POFUT3: variants seen among roughly 807,000 people sequenced by gnomAD.
POFUT3 encodes the protein protein O-fucosyltransferase 3.
At chr8:33,339,859 T>G in the POFUT3 span, among the ~76,000 whole-genome samples, 1 of 152,152 alleles carries the variant, frequency 6.6e-6, no homozygotes, top group East Asian at 1.9e-4. Context: ...AATCAAGCCA[T>G]GTTCAGATGA....
the POFUT3 span, among the ~76,000 whole-genome samples, chr8:33,340,176 A>G: frequency 2.0e-5 from 3 of 152,134 alleles, no homozygotes; most frequent in Non-Finnish European, 4.4e-5. Context: ...CCAATTGTAA[A>G]GTTCGTGTAT....
chr8:33,340,398 ATG>A, the POFUT3 span, among the ~76,000 whole-genome samples: 457 of 150,698 alleles, frequency 3.0e-3, no homozygotes, highest in African/African-American at 6.6e-3. Flanking sequence ...ATATATATAC[ATG>A]TGTGTGTGTG....
chr8:33,316,566 C>CA, the POFUT3 span, among the ~76,000 whole-genome samples: 117 of 107,986 alleles, frequency 1.1e-3, 1 homozygote, highest in South Asian at 0.025. Flanking sequence ...ACTAAAACTA[C>CA]AAAAAAAAAG....
chr8:33,409,310 C>A, the POFUT3 span, among the ~76,000 whole-genome samples: 1 of 152,044 alleles, frequency 6.6e-6, no homozygotes, highest in African/African-American at 2.4e-5. Context: ...GCCATGTTGG[C>A]CAGGCTTGTC....
chr8:33,424,433 C>A, the POFUT3 span, among the ~76,000 whole-genome samples: 1 of 152,160 alleles, frequency 6.6e-6, no homozygotes, highest in Non-Finnish European at 1.5e-5. Flanking sequence ...ACCTGCCATG[C>A]AGAAGCTTCC....
chr8:33,431,075 C>T, the POFUT3 span, among the ~76,000 whole-genome samples: 6 of 152,006 alleles, frequency 3.9e-5, no homozygotes, highest in Admixed American at 6.6e-5. Flanking sequence ...TGGGTAGAGA[C>T]GGTAGAGAAG....
chr8:33,354,594 T>A, the POFUT3 span, among the ~76,000 whole-genome samples: 1 of 152,166 alleles, frequency 6.6e-6, no homozygotes, highest in Non-Finnish European at 1.5e-5. Context: ...TTTTACTCAG[T>A]CTACTGAGTC....
chr8:33,360,544 T>C, the POFUT3 span, among the ~76,000 whole-genome samples: 2 of 152,280 alleles, frequency 1.3e-5, no homozygotes, highest in East Asian at 1.9e-4. Flanking sequence ...TTTCTGAACA[T>C]AGTGGTACTG....
the POFUT3 span, among the ~76,000 whole-genome samples, chr8:33,408,491 G>A: frequency 1.3e-5 from 2 of 151,908 alleles, no homozygotes; most frequent in Non-Finnish European, 2.9e-5. Context: ...GTCATTTCCT[G>A]GGCACACTCC....
the POFUT3 span, among the ~76,000 whole-genome samples, chr8:33,429,956 A>C: frequency 6.7e-6 from 1 of 150,006 alleles, no homozygotes; most frequent in Admixed American, 6.8e-5. Context: ...AGATTGCACC[A>C]TTGCACCCTA....
At chr8:33,355,392 C>CA in the POFUT3 span, among the ~76,000 whole-genome samples, 2 of 151,708 alleles carry the variant, frequency 1.3e-5, no homozygotes, top group South Asian at 2.1e-4. Context: ...AGGAGTATTG[C>CA]AAAAAAAATT....
chr8:33,444,998 A>G, the POFUT3 span, among the ~76,000 whole-genome samples: 3 of 137,550 alleles, frequency 2.2e-5, no homozygotes, highest in Admixed American at 8.0e-5. Flanking sequence ...CAATAGTGCA[A>G]TCTCGACTCA....
chr8:33,382,601 A>ACCC, the POFUT3 span, among the ~76,000 whole-genome samples: 1 of 152,168 alleles, frequency 6.6e-6, no homozygotes, highest in African/African-American at 2.4e-5. Context: ...TGGCGCACAG[A>ACCC]ACTCTGGCAG....
At chr8:33,409,929 C>A in the POFUT3 span, among the ~76,000 whole-genome samples, 1 of 152,108 alleles carries the variant, frequency 6.6e-6, no homozygotes, top group Non-Finnish European at 1.5e-5. Flanking sequence ...AAACTATCAA[C>A]TAATCAAAGA....
the POFUT3 span, chr8:33,453,099 A>G: frequency 1.0e-6 from 1 of 961,824 alleles, no homozygotes. Flanking sequence ...AAAGGAAATC[A>G]GGGGTGTCAA....
the POFUT3 span, among the ~76,000 whole-genome samples, chr8:33,420,629 G>T: frequency 2.0e-5 from 3 of 152,150 alleles, no homozygotes; most frequent in African/African-American, 2.4e-5. Flanking sequence ...GCAGAAAAAT[G>T]TATCTGGGGA....
chr8:33,388,980 T>C, the POFUT3 span: 1 of 1,614,156 alleles, frequency 6.2e-7, no homozygotes, highest in Non-Finnish European at 8.5e-7. Context: ...TGAAGCCTGA[T>C]ATTAGCCCAC....
the POFUT3 span, among the ~76,000 whole-genome samples, chr8:33,361,591 C>T: frequency 6.6e-6 from 1 of 152,194 alleles, no homozygotes; most frequent in Non-Finnish European, 1.5e-5. Context: ...TATAATTCCA[C>T]ACTAGAATTA....
chr8:33,404,717 A>AAAAAG, the POFUT3 span, among the ~76,000 whole-genome samples: 3 of 152,154 alleles, frequency 2.0e-5, no homozygotes, highest in South Asian at 6.2e-4. Flanking sequence ...TGTTAAAAAA[A>AAAAAG]AAAAGAAAAG....
Sources: gnomAD v4.1 joint callset for allele counts (sites outside exome capture counted in the v4.1 genomes callset) on GRCh38, gnomAD v4.1.1 for gene constraint, MANE v1.5 for transcripts, NCBI Gene and HGNC (gene_info 2026-07-23, HGNC 2026-07-21) for gene names.